Variants in GRID1 observed in about 807,000 individuals in gnomAD.
The protein encoded by GRID1 is glutamate ionotropic receptor delta type subunit 1, also known as glutamate receptor ionotropic, delta-1.
Under a neutral mutation model 98.0 loss-of-function variants are expected in GRID1, and 28 were observed. That is an observed-to-expected ratio of 0.29 (90% CI 0.21 to 0.39). The LOEUF is 0.39. Among genes scored for constraint, GRID1 ranks in the 10% least tolerant of loss-of-function variants. GRID1 has a pLI of 1.00. For missense variants in GRID1, 1,111 were observed against 1,340.5 expected, an observed-to-expected ratio of 0.83 and a Z score of 2.67; for synonymous variants, 553 against 538.5, an observed-to-expected ratio of 1.03 and a Z score of -0.37.
At chr10:85,639,205 G>T (rs538538592) in intron 13 of GRID1, among the ~76,000 whole-genome samples, 4 of 152,204 alleles carry the variant, frequency 2.6e-5, no homozygotes, top group African/African-American at 7.2e-5. Context: ...ACAAATCAAG[G>T]TTTATTCATA....
At chr10:86,157,251 G>A (rs1275606362) in intron 3 of GRID1, among the ~76,000 whole-genome samples, 1 of 152,206 alleles carries the variant, frequency 6.6e-6, no homozygotes, top group Non-Finnish European at 1.5e-5. Flanking sequence ...GACTACAGAT[G>A]TAATTTGCTG....
chr10:85,680,048 G>C (rs1016424761), intron 12 of GRID1, among the ~76,000 whole-genome samples: 1 of 152,132 alleles, frequency 6.6e-6, no homozygotes, highest in Non-Finnish European at 1.5e-5. Flanking sequence ...CTAACAACCT[G>C]CTCCTGCTTT....
At chr10:85,804,160 A>T (rs1175555137) in intron 8 of GRID1, among the ~76,000 whole-genome samples, 1 of 151,758 alleles carries the variant, frequency 6.6e-6, no homozygotes, top group Non-Finnish European at 1.5e-5. Context: ...AAAAAAATGA[A>T]AAAAAAGCAT....
At chr10:85,624,052 T>C (rs539797572) in intron 13 of GRID1, among the ~76,000 whole-genome samples, 1 of 152,324 alleles carries the variant, frequency 6.6e-6, no homozygotes, top group East Asian at 1.9e-4. Flanking sequence ...AACTCCTTCT[T>C]CCTGTATCTC....
chr10:86,350,932 T>C (rs967803873), intron 2 of GRID1, among the ~76,000 whole-genome samples: 1 of 151,966 alleles, frequency 6.6e-6, no homozygotes, highest in South Asian at 2.1e-4. Context: ...AACCATCTTC[T>C]CCCTATCTTC....
At chr10:85,854,469 T>A (rs991437010) in intron 8 of GRID1, 27 bp downstream of exon 8, 2 of 1,611,710 alleles carry the variant, frequency 1.2e-6, no homozygotes, top group Non-Finnish European at 1.7e-6. Context: ...AGCAGGAAGA[T>A]TGGAAGACAG....
chr10:85,758,495 T>C (rs1410484944), intron 8 of GRID1, among the ~76,000 whole-genome samples: 1 of 152,170 alleles, frequency 6.6e-6, no homozygotes, highest in Non-Finnish European at 1.5e-5. Context: ...TTCTCCTCAT[T>C]GTTGAGCCTG....
rs771380071 is a variant in GRID1, at chr10:85,918,438, G to C, written c.727-2199C>G. Among the ~76,000 whole-genome samples, 17 of 152,240 alleles carry C rather than the reference G, an allele frequency of 1.1e-4. No individual in the cohort carries two copies. In the South Asian group the frequency reaches 1.2e-3, roughly 11 times the overall value. ...CAAGGTATGTAAAAGCACATCGCTGGGCTCTAGCTCAACTCATGGAAAGGA... is the reference window on the plus strand; with the variant it reads ...CAAGGTATGTAAAAGCACATCGCTGCGCTCTAGCTCAACTCATGGAAAGGA... On this transcript the variant is annotated intron_variant, in intron 4 of 15. Coordinates refer to ENST00000327946, the MANE Select transcript of GRID1 (RefSeq NM_017551.3).
intron 8 of GRID1, among the ~76,000 whole-genome samples, chr10:85,743,018 T>TC (rs1318843729): frequency 1.4e-5 from 2 of 140,402 alleles, no homozygotes; most frequent in Admixed American, 1.6e-4. Context: ...GTAGTGCCTC[T>TC]CCCCCGACTC....
intron 2 of GRID1, among the ~76,000 whole-genome samples, chr10:86,219,944 C>T (rs898890510): frequency 3.3e-5 from 5 of 152,104 alleles, no homozygotes; most frequent in Non-Finnish European, 7.3e-5. Context: ...AAGCCCAGGC[C>T]CCAGCCCACC....
intron 8 of GRID1, among the ~76,000 whole-genome samples, chr10:85,739,927 T>C (rs1031892597): frequency 6.6e-6 from 1 of 152,162 alleles, no homozygotes; most frequent in Non-Finnish European, 1.5e-5. Flanking sequence ...GGTAGAGCAA[T>C]GGGATTATAA....
chr10:85,901,348 G>A (rs933353974), intron 5 of GRID1, among the ~76,000 whole-genome samples: 4 of 151,844 alleles, frequency 2.6e-5, no homozygotes, highest in South Asian at 2.1e-4. Context: ...ATGGGTTCAC[G>A]CCATTCTCCC....
intron 2 of GRID1, among the ~76,000 whole-genome samples, chr10:86,222,074 T>G (rs1051430168): frequency 7.2e-5 from 11 of 152,234 alleles, no homozygotes; most frequent in Admixed American, 5.9e-4. Context: ...ACCCTGAAGC[T>G]GGCAGGACTA....
chr10:86,126,837 A>G (rs979810651), intron 4 of GRID1, among the ~76,000 whole-genome samples: 8 of 152,236 alleles, frequency 5.3e-5, no homozygotes, highest in African/African-American at 1.9e-4. Context: ...AGTCCTCTTC[A>G]GAGAAGGATG....
chr10:85,807,184 T>A (rs1842630431), intron 8 of GRID1, among the ~76,000 whole-genome samples: 1 of 151,992 alleles, frequency 6.6e-6, no homozygotes, highest in Non-Finnish European at 1.5e-5. Flanking sequence ...ACACCATCTC[T>A]ACTAAAAATA....
At chr10:86,215,244 C>T (rs550566216) in intron 2 of GRID1, among the ~76,000 whole-genome samples, 4 of 152,234 alleles carry the variant, frequency 2.6e-5, no homozygotes, top group East Asian at 1.9e-4. Flanking sequence ...GGAGCAGAGC[C>T]GAATGGTCCT....
In GRID1 at chr10:86,112,379, G is replaced by A. The variant is rs1449087806; in HGVS notation, c.726+26440C>T. Among the ~76,000 whole-genome samples, 13 of 152,300 alleles carry A rather than the reference G, an allele frequency of 8.5e-5. No individual in the cohort carries two copies. The South Asian group carries it at 2.7e-3, about 32-fold the overall frequency. ...ATCTGTTTTTCTCAAAGCTGTGAAT[G>A]TCACGTCAAGAATCTCCAATTACCT... On this transcript the variant is annotated intron_variant, in intron 4 of 15. Coordinates refer to ENST00000327946, the MANE Select transcript of GRID1 (RefSeq NM_017551.3).
At chr10:85,659,639 C>T (rs535914081) in intron 12 of GRID1, among the ~76,000 whole-genome samples, 55 of 152,276 alleles carry the variant, frequency 3.6e-4, no homozygotes, top group African/African-American at 9.6e-4. Flanking sequence ...AGATGCTAGC[C>T]GTTCTGAATC....
chr10:86,197,317 C>G (rs978028876), intron 3 of GRID1, among the ~76,000 whole-genome samples: 1 of 152,058 alleles, frequency 6.6e-6, no homozygotes, highest in East Asian at 1.9e-4. Context: ...CAGGTTGTGC[C>G]GGGCACGCTC....
Sources: allele counts gnomAD v4.1 joint callset (sites outside exome capture counted in the v4.1 genomes callset), GRCh38; gene constraint gnomAD v4.1.1; transcripts MANE v1.5; gene names NCBI Gene and HGNC (gene_info 2026-07-23, HGNC 2026-07-21).